The following ATP7B variants were observed in gnomAD, a reference collection of about 807,000 sequenced individuals.
The protein encoded by ATP7B is copper-transporting ATPase 2.
A neutral mutation model predicts 118.9 loss-of-function variants in ATP7B; 113 were observed. The observed-to-expected ratio is 0.95, with a 90% CI of 0.82 to 1.11. The LOEUF (loss-of-function observed/expected upper bound fraction) is 1.11. Ranked by LOEUF, ATP7B falls within the 50% of genes most tolerant of loss-of-function variation. ATP7B has a pLI of 0.00. For synonymous variants in ATP7B, 777 were observed against 727.4 expected (o/e 1.07, Z -1.10); for missense variants, 1,867 against 1,871.4 (o/e 1.00, Z 0.04).
intron 9 of ATP7B, among the ~76,000 whole-genome samples, chr13:51,953,146 C>T (rs898698828): frequency 3.3e-5 from 5 of 152,156 alleles, no homozygotes; most frequent in African/African-American, 1.2e-4. Flanking sequence ...GGAAGGATCT[C>T]GAGAACCCAA....
chr13:51,974,720 T>C lies in ATP7B; in HGVS notation c.500A>G (p.Lys167Arg). 1 of 1,614,026 alleles carries C rather than the reference T, an allele frequency of 6.2e-7. No individual in the cohort carries two copies. Among genetic ancestry groups the C allele is most frequent in the Non-Finnish European group, 8.5e-7 (1 of 1,179,876 alleles). ...CVSSIEGKVR[K>R]LQGVVRVKVS... ...TTTGACTCTCACTACTCCTTGCAGTTTCCGGACCTTGCCTTCAATGGAGCT... is the reference window on the plus strand; with the variant it reads ...TTTGACTCTCACTACTCCTTGCAGTCTCCGGACCTTGCCTTCAATGGAGCT... The change falls in exon 2 of 21, where the codon AAA (lysine) becomes AGA (arginine). Residue 167 changes from lysine to arginine, a missense_variant. Lys to Arg is a conservative substitution (Grantham distance 26, BLOSUM62 2). Coordinates refer to ENST00000242839, the MANE Select transcript of ATP7B (RefSeq NM_000053.4).
At chr13:51,959,836 GGAGACACA>G (rs1205263448) in intron 7 of ATP7B, 1 of 420,416 alleles carries the variant, frequency 2.4e-6, no homozygotes, top group African/African-American at 2.0e-5. Context: ...TATGCACATT[GGAGACACA>G]GAGTTCACCA....
intron 1 of ATP7B, among the ~76,000 whole-genome samples, chr13:51,987,505 T>C (rs7332272): frequency 0.51 from 77,532 of 152,056 alleles, 22,401 homozygotes; most frequent in Non-Finnish European, 0.65. Flanking sequence ...ATTTATAGAT[T>C]CAATGCTATC....
At position 51,968,613 on chromosome 13, in the gene ATP7B, A is replaced by G. The variant is rs1474937685; in HGVS notation, c.1544-6T>C. ...AACCAACACGGAGAGAACACCTGGA[A>G]CCATCAGGTCATGGCTGTAACACTC... On this transcript the variant is annotated splice_polypyrimidine_tract_variant and splice_region_variant and intron_variant, in intron 3 of 20. Coordinates refer to ENST00000242839, the MANE Select transcript of ATP7B (RefSeq NM_000053.4). 1 of 1,613,804 alleles carries G rather than the reference A, an allele frequency of 6.2e-7. No homozygotes were observed. Among genetic ancestry groups the G allele is most frequent in the African/African-American group, 1.3e-5 (1 of 74,882 alleles).
intron 13 of ATP7B, 48 bp from the exon 14 acceptor site, chr13:51,944,339 C>T (rs148671573): frequency 1.9e-6 from 3 of 1,608,924 alleles, no homozygotes; most frequent in East Asian, 4.5e-5. Flanking sequence ...GATGGAGGGG[C>T]TTCCATAGTC....
chr13:51,985,995 T>A (rs1952633973), intron 1 of ATP7B, among the ~76,000 whole-genome samples: 1 of 151,858 alleles, frequency 6.6e-6, no homozygotes, highest in African/African-American at 2.4e-5. Context: ...AACACCACAA[T>A]TAAAAGAACT....
rs540935874 is a variant in ATP7B at position 51,949,775 on chromosome 13, C to G, written c.2752G>C (p.Asp918His). The G allele has an allele frequency of 6.2e-7, 1 of 1,614,026 alleles. No individual in the cohort carries two copies. Among genetic ancestry groups the G allele is most frequent in the Non-Finnish European group, 8.5e-7 (1 of 1,180,030 alleles). The change falls in exon 12 of 21, where the codon GAC becomes CAC. Residue 918 changes from aspartate to histidine, a missense_variant. Transcript: ENST00000242839. ...MSKAPIQQLA[D>H]RFSGYFVPFI... ...GGGACAAAATATCCACTAAACCGGT[C>G]AGCCAGCTGCTGAATGGGTGCCTAT...
intron 1 of ATP7B, among the ~76,000 whole-genome samples, chr13:51,990,401 T>A (rs1463373824): frequency 2.0e-5 from 3 of 152,096 alleles, no homozygotes; most frequent in Admixed American, 2.0e-4. Context: ...ATATAGTCCA[T>A]CGAACAGAAA....
intron 7 of ATP7B, chr13:51,958,829 A>G (rs1252932387): frequency 2.1e-6 from 1 of 472,406 alleles, no homozygotes; most frequent in Non-Finnish European, 3.9e-6. Context: ...AAAAATCACG[A>G]CTCATTTGTA....
At chr13:51,940,488 T>C (rs1190846858) in intron 16 of ATP7B, among the ~76,000 whole-genome samples, 1 of 151,208 alleles carries the variant, frequency 6.6e-6, no homozygotes, top group Non-Finnish European at 1.5e-5. Context: ...CTACTAAAAA[T>C]ACAAAATGTA....
In ATP7B at chr13:51,968,434, C is replaced by T. The variant is rs1411137744; in HGVS notation, c.1707+10G>A. 9 of 1,614,088 alleles carry T rather than the reference C, an allele frequency of 5.6e-6. No individual in the cohort carries two copies. Among genetic ancestry groups the T allele is most frequent in the Non-Finnish European group, 7.6e-6 (9 of 1,180,044 alleles). On this transcript the variant is annotated intron_variant, in intron 4 of 20. Coordinates refer to ENST00000242839, the MANE Select transcript of ATP7B (RefSeq NM_000053.4). ...AGCCTGTAACCCCGTAACGCACCCA[C>T]AGTACTTACTGTCAGCTCAATGTTG...
intron 1 of ATP7B, among the ~76,000 whole-genome samples, chr13:51,995,943 G>C (rs1333919255): frequency 6.6e-6 from 1 of 152,184 alleles, no homozygotes; most frequent in Admixed American, 6.5e-5. Context: ...GAGTGCAGCA[G>C]TTTCCTTTTG....
intron 13 of ATP7B, among the ~76,000 whole-genome samples, chr13:51,944,923 G>C (rs1250376235): frequency 6.6e-6 from 1 of 152,166 alleles, no homozygotes; most frequent in Admixed American, 6.5e-5. Flanking sequence ...GTCGAGCCCT[G>C]AGCCCTGCTT....
intron 15 of ATP7B, among the ~76,000 whole-genome samples, chr13:51,941,593 T>C (rs947604932): frequency 2.0e-5 from 3 of 152,212 alleles, no homozygotes; most frequent in Non-Finnish European, 4.4e-5. Context: ...CTACATTCAT[T>C]ACTGCTTGGT....
At chr13:51,960,357 A>C in intron 6 of ATP7B, 35 bp from the exon 7 acceptor site, 1 of 1,603,804 alleles carries the variant, frequency 6.2e-7, no homozygotes, top group Non-Finnish European at 8.5e-7. Flanking sequence ...GATATATCAG[A>C]TGCTGCTTGT....
At chr13:51,951,167 C>A (rs1365372964) in intron 9 of ATP7B, among the ~76,000 whole-genome samples, 1 of 151,776 alleles carries the variant, frequency 6.6e-6, no homozygotes, top group African/African-American at 2.4e-5. Context: ...ATGGAAGTAA[C>A]CTGGACTACA....
At position 51,958,315 on chromosome 13, in the gene ATP7B, G is replaced by C; in HGVS notation, c.2351C>G (p.Ala784Gly). Residue 784 changes from alanine to glycine, a missense_variant, in exon 8 of 21, where the codon GCA (alanine) becomes GGA (glycine). Physicochemically the swap from Ala to Gly is moderately conservative, Grantham distance 60 (BLOSUM62 0). Transcript: ENST00000242839. ...TGAACCTGAAGCTGCTGTTACCTTT[G>C]CCAAGTGTTCCAGCCACCGGCCCAG... Reference protein sequence around the residue: ...IALGRWLEHLAKSKTSEALAK... With the variant: ...IALGRWLEHLGKSKTSEALAK... 6.2e-7 allele frequency: 1 copy of C among 1,614,162 alleles called. No individual in the cohort carries two copies. Among genetic ancestry groups the C allele is most frequent in the South Asian group, 1.1e-5 (1 of 91,080 alleles).
intron 8 of ATP7B, chr13:51,957,992 T>G: frequency 2.1e-6 from 1 of 471,524 alleles, no homozygotes. Context: ...GAGGAGGATG[T>G]ATGGATGTCT....
chr13:51,946,639 C>T, intron 12 of ATP7B, 161 bp from the exon 13 acceptor site: 1 of 776,822 alleles, frequency 1.3e-6, no homozygotes, highest in Non-Finnish European at 2.2e-6. Context: ...TCATAGAGAA[C>T]ACGTTACTGC....
Sources: allele counts gnomAD v4.1 joint callset (sites outside exome capture counted in the v4.1 genomes callset), GRCh38; gene constraint gnomAD v4.1.1; transcripts MANE v1.5; gene names NCBI Gene and HGNC (gene_info 2026-07-23, HGNC 2026-07-21).